The following TWF2 variants were observed in gnomAD, a reference collection of about 807,000 sequenced individuals.
The protein encoded by TWF2 is twinfilin actin binding protein 2.
TWF2 carries 15 observed loss-of-function variants against 45.1 expected under a neutral mutation model. That is an observed-to-expected ratio of 0.33 (90% confidence interval 0.22 to 0.51). The LOEUF (loss-of-function observed/expected upper bound fraction) is 0.51, where lower values mean the gene tolerates loss of function less well. TWF2 is among the 20% of genes least tolerant of loss of function. The pLI, the probability that TWF2 is intolerant of heterozygous loss-of-function variation, is 0.97. For missense variants in TWF2, 423 were observed against 469.1 expected (o/e 0.90, Z 0.91); for synonymous variants, 177 against 195.8 (o/e 0.90, Z 0.80).
Position 52,231,508 on chromosome 3 carries a change from C to A in TWF2, c.314G>T (p.Arg105Leu), listed in dbSNP as rs775166989. The stretch of plus-strand genomic sequence containing the variant: ...TCCAAACTCCTTTTTCACTGTGGCC[C>A]GCGTGGCCGCGTACAGCATCTTCAG... ...VRLKMLYAAT[R>L]ATVKKEFGGG... is the part of the protein sequence containing the mutation. Residue 105 changes from arginine (R) to leucine (L), a missense_variant, in exon 4 of 9, where the codon CGG becomes CTG. Arg to Leu is a moderately radical substitution (Grantham distance 102, BLOSUM62 -2). Coordinates refer to ENST00000305533, the MANE Select transcript of TWF2 (RefSeq NM_007284.4). The A allele has an allele frequency of 2.5e-6, 4 of 1,613,678 alleles. No homozygotes were observed. The African/African-American group carries it at 5.3e-5, about 22-fold the overall frequency.
chr3:52,232,437 GAC>G (rs1426536465), intron 2 of TWF2, among the ~76,000 whole-genome samples: 1 of 151,932 alleles, frequency 6.6e-6, no homozygotes, highest in African/African-American at 2.4e-5. Flanking sequence ...GCCCCTCACG[GAC>G]ACCACACCCC....
chr3:52,237,501 TCC>T (rs1699738111), intron 1 of TWF2, among the ~76,000 whole-genome samples: 1 of 151,596 alleles, frequency 6.6e-6, no homozygotes, highest in South Asian at 2.1e-4. Flanking sequence ...GGCAGCCCAG[TCC>T]CCAGTGACCC....
intron 1 of TWF2, 134 bp downstream of exon 1, chr3:52,238,858 G>T: frequency 1.6e-6 from 2 of 1,278,684 alleles, no homozygotes; most frequent in Non-Finnish European, 2.1e-6. Flanking sequence ...CACCCCAGGC[G>T]ACCCGCGGCT....
Position 52,232,045 on chromosome 3 carries a change from G to A in TWF2, c.181C>T (p.Leu61=). The A allele has an allele frequency of 1.2e-6, 2 of 1,613,926 alleles. No individual in the cohort carries two copies. The highest frequency in any genetic ancestry group is 2.2e-5 in the South Asian group (2 of 91,088). ...AGGTAGCAGGGCTGCTGGGCGTCCA[G>A]CAGTGGCAGCACGGCCCTGTCATAG... ...QDYDRAVLPL[L]DAQQPCYLLY... is the part of the protein sequence containing the mutation. Residue 61 remains leucine, a synonymous_variant, in exon 3 of 9, where the codon CTG becomes TTG. Coordinates refer to ENST00000305533, the MANE Select transcript of TWF2 (RefSeq NM_007284.4).
At chr3:52,235,172 G>T (rs1221498532) in intron 1 of TWF2, 66 bp from the exon 2 acceptor site, 2 of 1,522,098 alleles carry the variant, frequency 1.3e-6, no homozygotes, top group Non-Finnish European at 1.8e-6. Flanking sequence ...TATGGGGCCT[G>T]CTCTGTCCCA....
At chr3:52,238,333 GTC>G (rs1420473545) in intron 1 of TWF2, among the ~76,000 whole-genome samples, 1 of 152,224 alleles carries the variant, frequency 6.6e-6, no homozygotes, top group African/African-American at 2.4e-5. Flanking sequence ...CCACGTAGAA[GTC>G]TCTGTTCCGG....
chr3:52,238,984 G>T lies in TWF2; in HGVS notation c.25+8C>A. 2 of 1,592,680 alleles carry T rather than the reference G, an allele frequency of 1.3e-6. No homozygotes were observed. On this transcript the variant is annotated splice_region_variant and intron_variant, in intron 1 of 8. Transcript: ENST00000305533. ...GAGGCCCCCTGCCCGCCCGCCATCC[G>T]CCCTCACCGTGGATGCCCGTTTGGT...
In TWF2 at chr3:52,235,110, TAAG is replaced by T; in HGVS notation, c.26-7_26-5del. 1 of 1,613,804 alleles carries T rather than the reference TAAG, an allele frequency of 6.2e-7. No homozygotes were observed. The highest frequency in any genetic ancestry group is 1.1e-5 in the South Asian group (1 of 91,080). ...AATTCCTTCAGCTCTTCCGTGGCTA[TAAG>T]AACAAGAAACATGGTGGGGGATGAG... On this transcript the variant is annotated splice_polypyrimidine_tract_variant and splice_region_variant and intron_variant, in intron 1 of 8. Coordinates refer to ENST00000305533, the MANE Select transcript of TWF2 (RefSeq NM_007284.4).
chr3:52,228,808 C>G lies in TWF2; in HGVS notation c.*226G>C. On this transcript the variant is annotated 3_prime_UTR_variant, in exon 9 of 9. Transcript: ENST00000305533. ...ACCCAGCCCCCTTAAGCCAGCCAGG[C>G]AGGGTCCCCGGACACCCTGGGCACA... 1.5e-6 allele frequency: 1 copy of G among 665,418 alleles called. No homozygotes were observed. The highest frequency in any genetic ancestry group is 2.4e-6 in the Non-Finnish European group (1 of 412,794). 41.2% of individuals were successfully genotyped at this position (665,418 alleles called of 1,614,324 possible).
In TWF2 at chr3:52,235,145, G is replaced by C. The variant is rs954705799; in HGVS notation, c.26-39C>G. 6.9e-6 allele frequency: 11 copies of C among 1,603,984 alleles called. No homozygotes were observed. The African/African-American group carries it at 1.3e-4, about 20-fold the overall frequency. On this transcript the variant is annotated intron_variant, in intron 1 of 8. Coordinates refer to ENST00000305533, the MANE Select transcript of TWF2 (RefSeq NM_007284.4). ...AAACATGGTGGGGGATGAGTGGGCA[G>C]AGTGGACAGAGACGAGTATGGGGCC...
chr3:52,238,006 C>T (rs1254855140), intron 1 of TWF2, among the ~76,000 whole-genome samples: 4 of 152,224 alleles, frequency 2.6e-5, no homozygotes. Flanking sequence ...ACACTGAGCC[C>T]CAGGTAGAGT....
intron 2 of TWF2, 43 bp from the exon 3 acceptor site, chr3:52,232,165 T>C (rs1432499013): frequency 3.2e-5 from 47 of 1,477,204 alleles, no homozygotes; most frequent in Non-Finnish European, 4.1e-5. Context: ...CAGCTCCCAC[T>C]GCGCCTCCCG....
rs1023127970 is a variant in TWF2 at position 52,238,932 on chromosome 3, G to GC, written c.25+59_25+60insG. The GC allele has an allele frequency of 9.9e-4, 1,552 of 1,562,894 alleles. 5 individuals are homozygous for GC. The Middle Eastern group carries it at 0.01, about 10-fold the overall frequency. On this transcript the variant is annotated intron_variant, in intron 1 of 8. Coordinates refer to ENST00000305533, the MANE Select transcript of TWF2 (RefSeq NM_007284.4). ...GGTGGAGGGAGGGGCCGAGAGCCGG[G>GC]GGGGGGCGCTTCCGAGAGCCCAGAC...
At position 52,230,975 on chromosome 3, in the gene TWF2, C is replaced by T; in HGVS notation, c.504G>A (p.Val168=). The change falls in exon 6 of 9, where the codon GTG becomes GTA. Residue 168 remains valine (V), a synonymous_variant. Coordinates refer to ENST00000305533, the MANE Select transcript of TWF2 (RefSeq NM_007284.4). ...RINEVKTEIS[V]ESKHQTLQGL... ...CCTGCAGGGTCTGGTGCTTGCTTTC[C>T]ACACTGATCTCTGTCTTCACCTGTG... 6.2e-7 allele frequency: 1 copy of T among 1,604,740 alleles called. No homozygotes were observed. The highest frequency in any genetic ancestry group is 8.5e-7 in the Non-Finnish European group (1 of 1,175,828).
At chr3:52,234,913 C>G in intron 2 of TWF2, 116 bp downstream of exon 2, 1 of 1,195,184 alleles carries the variant, frequency 8.4e-7, no homozygotes, top group East Asian at 2.4e-5. Context: ...ACACCCATTT[C>G]CAGAGTGGGA....
At chr3:52,236,171 C>T (rs975606150) in intron 1 of TWF2, among the ~76,000 whole-genome samples, 6 of 151,974 alleles carry the variant, frequency 3.9e-5, no homozygotes, top group African/African-American at 4.8e-5. Context: ...CATGGTAGCA[C>T]GCACCTGTAA....
intron 1 of TWF2, among the ~76,000 whole-genome samples, chr3:52,238,624 C>T (rs1358642553): frequency 1.3e-5 from 2 of 152,196 alleles, no homozygotes; most frequent in African/African-American, 2.4e-5. Flanking sequence ...CCTAGATGTA[C>T]ACAAGCGAGT....
In TWF2 at chr3:52,231,679, C is replaced by G. The variant is rs1699680109; in HGVS notation, c.283-140G>C. Reference sequence around the variant, plus strand: ...GGGCCAGCCCGGGGCCAGGACGCAGCAGGTGGCCCCCACCAGCAGGGGGAG... The same window carrying G: ...GGGCCAGCCCGGGGCCAGGACGCAGGAGGTGGCCCCCACCAGCAGGGGGAG... On this transcript the variant is annotated intron_variant, in intron 3 of 8. Transcript: ENST00000305533. 4 of 1,048,136 alleles carry G rather than the reference C, an allele frequency of 3.8e-6. No individual in the cohort carries two copies. The East Asian group carries it at 1.0e-4, about 27-fold the overall frequency. 64.9% of individuals were successfully genotyped at this position (1,048,136 alleles called of 1,614,324 possible). A position where few individuals can be genotyped will look rare whatever the true frequency, so the allele number is the denominator to read the frequency against.
intron 1 of TWF2, among the ~76,000 whole-genome samples, chr3:52,237,812 A>C (rs1396382933): frequency 6.6e-6 from 1 of 152,228 alleles, no homozygotes; most frequent in Non-Finnish European, 1.5e-5. Context: ...CAGCCCAGCC[A>C]CCAAGTGGCC....
Sources: allele counts gnomAD v4.1 joint callset (sites outside exome capture counted in the v4.1 genomes callset), GRCh38; gene constraint gnomAD v4.1.1; transcripts MANE v1.5; gene names NCBI Gene and HGNC (gene_info 2026-07-23, HGNC 2026-07-21).